Variants in CPVL observed in about 807,000 individuals in gnomAD.
CPVL encodes carboxypeptidase vitellogenic like, also known as probable serine carboxypeptidase CPVL.
A neutral mutation model predicts 63.7 loss-of-function variants in CPVL; 51 were observed. The observed-to-expected ratio is 0.80, with a 90% confidence interval of 0.64 to 1.01. The LOEUF is 1.01. Ranked by LOEUF, CPVL falls within the 50% of genes least tolerant of loss-of-function variation. The probability of loss-of-function intolerance (pLI) is 0.00; values close to 1 mark genes in which losing one functional copy is unlikely to be tolerated. For synonymous variants in CPVL, 195 were observed against 206.0 expected (o/e 0.95, Z 0.46); for missense variants, 530 against 573.1 (o/e 0.92, Z 0.77).
intron 1 of CPVL, among the ~76,000 whole-genome samples, chr7:29,125,384 C>T (rs1789887500): frequency 7.3e-6 from 1 of 137,568 alleles, no homozygotes; most frequent in Admixed American, 8.6e-5. Context: ...TTCCACTCTC[C>T]CGTCTTTTTT....
chr7:29,062,479 A>G (rs1328949339), intron 11 of CPVL, among the ~76,000 whole-genome samples: 1 of 152,202 alleles, frequency 6.6e-6, no homozygotes, highest in Non-Finnish European at 1.5e-5. Flanking sequence ...TATTTCATCA[A>G]GTTTTGCAGG....
At chr7:29,026,016 A>AT (rs1017204466) in intron 12 of CPVL, among the ~76,000 whole-genome samples, 2 of 152,136 alleles carry the variant, frequency 1.3e-5, no homozygotes, top group Non-Finnish European at 2.9e-5. Flanking sequence ...TACATAATGC[A>AT]TTTTTTTCTC....
At chr7:29,116,264 A>T (rs961095521) in intron 2 of CPVL, among the ~76,000 whole-genome samples, 2 of 152,244 alleles carry the variant, frequency 1.3e-5, no homozygotes, top group Non-Finnish European at 2.9e-5. Context: ...CCATAAAAAA[A>T]GTTTTGCCCT....
At chr7:29,018,823 A>G (rs1786675111) in intron 12 of CPVL, among the ~76,000 whole-genome samples, 1 of 152,212 alleles carries the variant, frequency 6.6e-6, no homozygotes, top group African/African-American at 2.4e-5. Context: ...GCACAGAAAG[A>G]TCCCAAAAGG....
chr7:29,184,146 A>T (rs1350193024), intron 4 of CPVL, among the ~76,000 whole-genome samples: 1 of 141,436 alleles, frequency 7.1e-6, no homozygotes, highest in Admixed American at 7.4e-5. Flanking sequence ...GAAGATACAG[A>T]TAGATGATAG....
intron 5 of CPVL, among the ~76,000 whole-genome samples, chr7:29,171,432 G>A (rs1040959600): frequency 6.6e-6 from 1 of 152,150 alleles, no homozygotes; most frequent in African/African-American, 2.4e-5. Flanking sequence ...AGCTGAACTT[G>A]TTAGAAGGAG....
At chr7:29,089,142 A>T (rs1163791834) in intron 6 of CPVL, among the ~76,000 whole-genome samples, 1 of 152,172 alleles carries the variant, frequency 6.6e-6, no homozygotes, top group African/African-American at 2.4e-5. Context: ...AATTTTAGTT[A>T]AGGGCTCTCT....
intron 7 of CPVL, among the ~76,000 whole-genome samples, chr7:29,077,246 AG>A (rs34273168): frequency 1.6e-4 from 25 of 152,216 alleles, no homozygotes; most frequent in Non-Finnish European, 2.6e-4. Context: ...ATATGGTAGC[AG>A]TTACTATTGT....
rs956381163 is a variant in CPVL at position 29,137,564 on chromosome 7, A to G, written c.-11+8865T>C. Among the ~76,000 whole-genome samples the G allele has an allele frequency of 9.8e-5, 15 of 152,290 alleles. No homozygotes were observed. The East Asian group carries it at 2.9e-3, about 29-fold the overall frequency. On this transcript the variant is annotated intron_variant, in intron 1 of 12. Coordinates refer to ENST00000265394, the MANE Select transcript of CPVL (RefSeq NM_031311.5). ...TGCCTAGCCCAGGTAGCCTTTTCCTATTGGCACAACTGCCGGCATTCACCT... is the reference window on the plus strand; with the variant it reads ...TGCCTAGCCCAGGTAGCCTTTTCCTGTTGGCACAACTGCCGGCATTCACCT...
At chr7:29,045,612 A>G (rs1263726483) in intron 11 of CPVL, among the ~76,000 whole-genome samples, 1 of 152,216 alleles carries the variant, frequency 6.6e-6, no homozygotes, top group East Asian at 1.9e-4. Context: ...ACACAGTCAG[A>G]CTTTTCCCAT....
intron 1 of CPVL, chr7:29,191,732 ATT>A (rs1782922632): frequency 6.6e-6 from 1 of 152,248 alleles, no homozygotes; most frequent in African/African-American, 2.4e-5. Context: ...TAGCACCAAT[ATT>A]CTTTCCACTG....
intron 8 of CPVL, 50 bp from the exon 9 acceptor site, chr7:29,071,954 C>A (rs1453985525): frequency 1.2e-6 from 2 of 1,603,850 alleles, no homozygotes; most frequent in Non-Finnish European, 8.5e-7. Context: ...GAGAAAGAGA[C>A]CTTAAGGAAG....
At chr7:29,086,387 T>C (rs1785205026) in intron 7 of CPVL, 97 bp downstream of exon 7, 3 of 827,470 alleles carry the variant, frequency 3.6e-6, no homozygotes, top group Non-Finnish European at 6.2e-6. Context: ...TGTACATGTA[T>C]ATACATATAT....
intron 1 of CPVL, chr7:29,127,922 G>A (rs1451703707): frequency 6.6e-6 from 1 of 151,866 alleles, no homozygotes; most frequent in Non-Finnish European, 1.5e-5. Flanking sequence ...TTCGTTTTCT[G>A]AAGGTTTCTG....
chr7:29,098,833 C>T (rs1428831707), intron 3 of CPVL, among the ~76,000 whole-genome samples: 5 of 152,096 alleles, frequency 3.3e-5, no homozygotes, highest in East Asian at 1.9e-4. Flanking sequence ...GAGGTCGAGG[C>T]GGGCGGATCA....
chr7:29,076,088 A>G (rs1048388465), intron 7 of CPVL, among the ~76,000 whole-genome samples: 1 of 149,054 alleles, frequency 6.7e-6, no homozygotes, highest in East Asian at 2.0e-4. Flanking sequence ...GTTTTATTTT[A>G]CCTCATTTGC....
chr7:29,080,519 C>T (rs1361824158), intron 7 of CPVL, among the ~76,000 whole-genome samples: 1 of 145,256 alleles, frequency 6.9e-6, no homozygotes, highest in Non-Finnish European at 1.5e-5. Context: ...GATGGCAATG[C>T]TGCACTCCAG....
intron 12 of CPVL, among the ~76,000 whole-genome samples, chr7:29,015,394 G>T (rs1786309155): frequency 6.6e-6 from 1 of 152,086 alleles, no homozygotes; most frequent in Non-Finnish European, 1.5e-5. Flanking sequence ...TGGATCATGG[G>T]GCAGATTTCT....
intron 5 of CPVL, among the ~76,000 whole-genome samples, chr7:29,168,300 A>T (rs1413906092): frequency 6.6e-6 from 1 of 151,996 alleles, no homozygotes; most frequent in Non-Finnish European, 1.5e-5. Flanking sequence ...GACATTTTGG[A>T]TTCTCATCTT....
Sources: allele counts gnomAD v4.1 joint callset (sites outside exome capture counted in the v4.1 genomes callset), GRCh38; gene constraint gnomAD v4.1.1; transcripts MANE v1.5; gene names NCBI Gene and HGNC (gene_info 2026-07-23, HGNC 2026-07-21).